The following SCAI variants were observed in gnomAD, a reference collection of about 807,000 sequenced individuals.
SCAI encodes suppressor of cancer cell invasion, also known as protein SCAI.
Under a neutral mutation model 92.2 loss-of-function variants are expected in SCAI, and 24 were observed. The ratio of observed to expected loss-of-function variants is 0.26; its 90% CI spans 0.19 to 0.37. The LOEUF (loss-of-function observed/expected upper bound fraction) is 0.37. SCAI is among the 10% of genes least tolerant of loss of function. The probability of loss-of-function intolerance (pLI) is 1.00; values close to 1 mark genes in which losing one functional copy is unlikely to be tolerated. For synonymous variants in SCAI, 261 were observed against 258.6 expected (o/e 1.01, Z -0.09); for missense variants, 450 against 736.2 (o/e 0.61, Z 4.50).
intron 2 of SCAI, chr9:125,065,893 T>C (rs1488204348): frequency 3.1e-6 from 2 of 646,838 alleles, no homozygotes; most frequent in Non-Finnish European, 5.6e-6. Context: ...GGCTCACAAT[T>C]AAGAAAAAGA....
rs1554779235 is a variant in SCAI, at chr9:125,002,499, T to TTTTTTTTTTTTTTTTTTTTTG, written c.1066-457_1066-456insCAAAAAAAAAAAAAAAAAAAA. ...TTGTTTTTTAGTCTGTTTTTTTTTT[T>TTTTTTTTTTTTTTTTTTTTTG]GAAACAGAGTTTCACTCTTGTTGCC... On this transcript the variant is annotated intron_variant, in intron 11 of 17. Coordinates refer to ENST00000336505, the MANE Select transcript of SCAI (RefSeq NM_001144877.3). 1.4e-5 allele frequency among the ~76,000 whole-genome samples: 2 copies of TTTTTTTTTTTTTTTTTTTTTG among 147,220 alleles called. 1 individual carries two copies. Among genetic ancestry groups the TTTTTTTTTTTTTTTTTTTTTG allele is most frequent in the African/African-American group, 5.2e-5 (2 of 38,804 alleles).
intron 3 of SCAI, among the ~76,000 whole-genome samples, chr9:125,036,989 C>T (rs960836190): frequency 3.3e-5 from 5 of 152,234 alleles, no homozygotes; most frequent in African/African-American, 9.6e-5. Context: ...TCCAGGCAGG[C>T]CAGGTGCAGT....
intron 14 of SCAI, among the ~76,000 whole-genome samples, chr9:124,988,910 C>T (rs142586361): frequency 0.018 from 2,801 of 152,130 alleles, 42 homozygotes; most frequent in Non-Finnish European, 0.029. Flanking sequence ...GAGGCTGAGG[C>T]GGGTGGATCA....
chr9:125,037,257 C>CA (rs541421683), intron 3 of SCAI, among the ~76,000 whole-genome samples: 29 of 145,560 alleles, frequency 2.0e-4, no homozygotes, highest in African/African-American at 7.3e-4. Context: ...GCAACAAGAG[C>CA]AAAACTTTGT....
intron 2 of SCAI, 133 bp downstream of exon 2, chr9:125,142,500 T>C: frequency 1.5e-6 from 1 of 645,596 alleles, no homozygotes; most frequent in Non-Finnish European, 2.7e-6. Context: ...AAATCATGCA[T>C]GTGGTTATAT....
chr9:125,070,049 G>C (rs1462169384), intron 2 of SCAI, among the ~76,000 whole-genome samples: 7 of 152,058 alleles, frequency 4.6e-5, no homozygotes, highest in African/African-American at 1.7e-4. Flanking sequence ...TCTTAAAGTT[G>C]TTGCACAAAA....
rs1440843448 is a variant in SCAI, at chr9:125,004,750, TATATATATATATATATATATATATATATA to T, written c.862-1209_862-1181del. Among the ~76,000 whole-genome samples, 122 of 14,946 alleles carry T rather than the reference TATATATATATATATATATATATATATATA, an allele frequency of 8.2e-3. 2 individuals carry two copies. The highest frequency in any genetic ancestry group is 0.011 in the Non-Finnish European group (96 of 8,490). 9.8% of individuals were successfully genotyped at this position (14,946 alleles called of 152,430 possible). A position where few individuals can be genotyped will look rare whatever the true frequency, so the allele number is the denominator to read the frequency against. ...ACTGTGATCCATATATATATATATA[TATATATATATATATATATATATATATATA>T]TTTTTTTTTTTTTTTTTTTTTTTTT... is the stretch of plus-strand genomic sequence containing the variant. On this transcript the variant is annotated intron_variant, in intron 9 of 17. Coordinates refer to ENST00000336505, the MANE Select transcript of SCAI (RefSeq NM_001144877.3).
At position 124,944,474 on chromosome 9, in the gene SCAI, T is replaced by C. The variant is rs927137266; in HGVS notation, c.*8333A>G. ...ACCACCATGCCTGGCTAATTTTTTT[T>C]TTTTTTTTTTTTTTTTTGTATTTTA... On this transcript the variant is annotated 3_prime_UTR_variant, in exon 18 of 18. Coordinates refer to ENST00000336505, the MANE Select transcript of SCAI (RefSeq NM_001144877.3). 12 of 147,312 alleles carry C rather than the reference T, an allele frequency of 8.1e-5. No homozygotes were observed. In the Admixed American group the frequency reaches 8.3e-4, roughly 10 times the overall value. 9.1% of individuals were successfully genotyped at this position (147,312 alleles called of 1,614,324 possible).
chr9:125,104,512 C>A (rs1405019265), intron 2 of SCAI, among the ~76,000 whole-genome samples: 1 of 151,574 alleles, frequency 6.6e-6, no homozygotes, highest in Non-Finnish European at 1.5e-5. Context: ...ATAATCTTTG[C>A]TGGCTCTCAA....
rs764858681 is a variant in SCAI, at chr9:125,073,092, A to ATT, written c.99-17087_99-17086dup. Among the ~76,000 whole-genome samples, 630 of 72,488 alleles carry ATT rather than the reference A, an allele frequency of 8.7e-3. 61 individuals carry two copies. Among genetic ancestry groups the ATT allele is most frequent in the Non-Finnish European group, 0.012 (435 of 37,340 alleles). The allele number at this position is 72,488 out of a possible 152,430, so 47.6% of individuals were successfully genotyped here. A position where few individuals can be genotyped will look rare whatever the true frequency, so the allele number is the denominator to read the frequency against. ...GGATCATATGAGGATTCTATTTTTA[A>ATT]TTTTTTTTTTTTTTTTTTTTTTTTT... On this transcript the variant is annotated intron_variant, in intron 2 of 17. Transcript: ENST00000336505.
intron 2 of SCAI, among the ~76,000 whole-genome samples, chr9:125,114,721 T>C (rs939701527): frequency 2.7e-5 from 4 of 150,118 alleles, no homozygotes; most frequent in African/African-American, 9.8e-5. Context: ...TCCTCTCACC[T>C]TGGCCTCTAA....
intron 17 of SCAI, among the ~76,000 whole-genome samples, chr9:124,957,159 AT>A (rs1480777122): frequency 6.6e-6 from 1 of 151,400 alleles, no homozygotes; most frequent in African/African-American, 2.4e-5. Context: ...AGCCCAAGTA[AT>A]TTTTTGTATT....
At chr9:125,096,230 A>T (rs1337720797) in intron 2 of SCAI, among the ~76,000 whole-genome samples, 1 of 152,198 alleles carries the variant, frequency 6.6e-6, no homozygotes, top group African/African-American at 2.4e-5. Flanking sequence ...GCAGCAGGCA[A>T]AGAGAGAGCT....
At chr9:125,020,018 G>C (rs1407846270) in intron 7 of SCAI, among the ~76,000 whole-genome samples, 2 of 147,342 alleles carry the variant, frequency 1.4e-5, no homozygotes, top group Non-Finnish European at 3.0e-5. Flanking sequence ...AGGTTGCAGT[G>C]AGACAAGATC....
chr9:125,062,393 T>C (rs1383668238), intron 2 of SCAI, among the ~76,000 whole-genome samples: 1 of 149,976 alleles, frequency 6.7e-6, no homozygotes, highest in Admixed American at 6.6e-5. Flanking sequence ...CCCAAAGTGC[T>C]AGATTTACAG....
intron 9 of SCAI, among the ~76,000 whole-genome samples, chr9:125,004,809 A>G (rs1832468942): frequency 4.3e-5 from 1 of 23,004 alleles, no homozygotes; most frequent in Non-Finnish European, 1.1e-4. Context: ...TTTTTTTGAG[A>G]TGGAGTTTCA....
At chr9:124,986,410 T>C (rs1271769555) in intron 14 of SCAI, among the ~76,000 whole-genome samples, 2 of 152,190 alleles carry the variant, frequency 1.3e-5, no homozygotes, top group Non-Finnish European at 2.9e-5. Flanking sequence ...GAGAGCAAGT[T>C]ACACACAGCT....
chr9:125,018,127 C>T (rs2081627866), intron 9 of SCAI, among the ~76,000 whole-genome samples: 1 of 152,044 alleles, frequency 6.6e-6, no homozygotes, highest in Non-Finnish European at 1.5e-5. Context: ...CAGAGTCTCG[C>T]TCTGTCACCC....
At chr9:125,065,647 C>T (rs969159733) in intron 2 of SCAI, among the ~76,000 whole-genome samples, 2 of 152,196 alleles carry the variant, frequency 1.3e-5, no homozygotes, top group South Asian at 2.1e-4. Context: ...AGCAAAATTA[C>T]AGGCCATTCT....
Sources: allele counts gnomAD v4.1 joint callset (sites outside exome capture counted in the v4.1 genomes callset), GRCh38; gene constraint gnomAD v4.1.1; transcripts MANE v1.5; gene names NCBI Gene and HGNC (gene_info 2026-07-23, HGNC 2026-07-21).